Variants in STAU1 observed in about 807,000 individuals in gnomAD.
The protein encoded by STAU1 is staufen double-stranded RNA binding protein 1.
A neutral mutation model predicts 62.9 loss-of-function variants in STAU1; 13 were observed. The observed-to-expected ratio is 0.21, with a 90% CI of 0.13 to 0.33. The LOEUF (loss-of-function observed/expected upper bound fraction) is 0.33. Ranked by LOEUF, STAU1 falls within the 10% of genes least tolerant of loss-of-function variation. STAU1 has a pLI of 1.00. For synonymous variants in STAU1, 269 were observed against 265.1 expected (o/e 1.01, Z -0.14); for missense variants, 571 against 712.1 (o/e 0.80, Z 2.25).
chr20:49,153,850 C>A, intron 4 of STAU1, 83 bp downstream of exon 4: 1 of 1,368,820 alleles, frequency 7.3e-7, no homozygotes. Context: ...ACTCCCTCCA[C>A]AATCTAGAGG....
At chr20:49,197,555 C>G in the STAU1 span, among the ~76,000 whole-genome samples, 2 of 151,796 alleles carry the variant, frequency 1.3e-5, no homozygotes, top group Non-Finnish European at 2.9e-5. Context: ...CATGTGCCAC[C>G]AGGCCCAGCT....
chr20:49,153,563 C>T (rs1340618496), intron 4 of STAU1, among the ~76,000 whole-genome samples: 17 of 142,582 alleles, frequency 1.2e-4, no homozygotes, highest in Non-Finnish European at 7.8e-5. Flanking sequence ...AAAAAAAAAT[C>T]AGCCAGGCGT....
At chr20:49,198,080 G>C in the STAU1 span, among the ~76,000 whole-genome samples, 4 of 152,204 alleles carry the variant, frequency 2.6e-5, no homozygotes, top group African/African-American at 9.6e-5. Context: ...GATCTGTACA[G>C]ACATTTTGCC....
intron 10 of STAU1, 63 bp from the exon 11 acceptor site, chr20:49,118,159 C>A (rs908669670): frequency 5.5e-5 from 83 of 1,512,738 alleles, no homozygotes; most frequent in Non-Finnish European, 7.3e-5. Context: ...CGCAATGACA[C>A]CATCAAACCC....
At chr20:49,206,412 T>C in the STAU1 span, among the ~76,000 whole-genome samples, 1 of 140,800 alleles carries the variant, frequency 7.1e-6, no homozygotes, top group South Asian at 2.2e-4. Context: ...ATCTTCCTTC[T>C]GGTTTTTTTT....
At chr20:49,206,844 C>A in the STAU1 span, among the ~76,000 whole-genome samples, 1 of 149,866 alleles carries the variant, frequency 6.7e-6, no homozygotes, top group Admixed American at 6.8e-5. Flanking sequence ...AAATATTCAC[C>A]TCCCGGGTTC....
chr20:49,177,534 C>G (rs1234996427), intron 1 of STAU1, among the ~76,000 whole-genome samples: 1 of 151,892 alleles, frequency 6.6e-6, no homozygotes, highest in Non-Finnish European at 1.5e-5. Context: ...AAATAATTAG[C>G]CAGGCATGGT....
At chr20:49,116,983 T>C in intron 12 of STAU1, 143 bp downstream of exon 12, 1 of 1,083,068 alleles carries the variant, frequency 9.2e-7, no homozygotes, top group African/African-American at 1.6e-5. Flanking sequence ...TTCAAAAATA[T>C]GAACACTATC....
chr20:49,212,631 C>T, the STAU1 span, among the ~76,000 whole-genome samples: 3 of 2,364 alleles, frequency 1.3e-3, no homozygotes, highest in African/African-American at 2.9e-3. Context: ...TTTTTTTAGG[C>T]AGAGTTTTGC....
intron 5 of STAU1, among the ~76,000 whole-genome samples, chr20:49,138,487 T>C (rs2092938632): frequency 6.6e-6 from 1 of 152,178 alleles, no homozygotes. Context: ...TGTGGTGGTT[T>C]ATTAACCTAC....
chr20:49,135,865 C>T lies in STAU1; in HGVS notation c.577G>A (p.Ala193Thr). Residue 193 changes from alanine to threonine, a missense_variant, in exon 6 of 14, where the codon GCA (alanine) becomes ACA (threonine). Coordinates refer to ENST00000371856, the MANE Select transcript of STAU1 (RefSeq NM_017453.4). Reference sequence around the variant, plus strand: ...TTCACAGGCAAGTTCCGTTTAAGTGCAATCTCAAACACTTGACTTATTTCA... The same window carrying T: ...TTCACAGGCAAGTTCCGTTTAAGTGTAATCTCAAACACTTGACTTATTTCA... The part of the protein sequence containing the change: ...KSEISQVFEI[A>T]LKRNLPVNFE... The T allele has an allele frequency of 1.2e-6, 2 of 1,613,850 alleles. No homozygotes were observed. The highest frequency in any genetic ancestry group is 1.7e-6 in the Non-Finnish European group (2 of 1,179,930).
intron 2 of STAU1, among the ~76,000 whole-genome samples, chr20:49,169,885 TAG>T (rs757208160): frequency 2.6e-5 from 4 of 152,208 alleles, no homozygotes; most frequent in Non-Finnish European, 5.9e-5. Context: ...TGCAAAATGA[TAG>T]AGTTATAGGT....
chr20:49,129,679 G>C (rs6095446), intron 6 of STAU1, among the ~76,000 whole-genome samples: 1 of 140,740 alleles, frequency 7.1e-6, no homozygotes, highest in African/African-American at 2.8e-5. Context: ...CTGTCGCCCA[G>C]GTTGGAGTGC....
intron 5 of STAU1, among the ~76,000 whole-genome samples, chr20:49,150,555 G>T: frequency 6.6e-6 from 1 of 152,078 alleles, no homozygotes; most frequent in Non-Finnish European, 1.5e-5. Flanking sequence ...TAGAGATGGG[G>T]TTTCACCATC....
intron 6 of STAU1, among the ~76,000 whole-genome samples, chr20:49,125,198 CAAAAAAAAAAAAAAAAAA>C (rs1171534142): frequency 3.0e-5 from 1 of 33,716 alleles, no homozygotes; most frequent in Non-Finnish European, 5.7e-5. Flanking sequence ...CTCATTTTTG[CAAAAAAAAAAAAAAAAAA>C]AAAAAAAACG....
chr20:49,213,175 T>C, the STAU1 span, among the ~76,000 whole-genome samples: 1 of 151,928 alleles, frequency 6.6e-6, no homozygotes, highest in Non-Finnish European at 1.5e-5. Flanking sequence ...TTGGCTACTT[T>C]TTGTAATTTT....
Position 49,124,557 on chromosome 20 carries a change from T to C in STAU1, c.640A>G (p.Lys214Glu). ...VARESGPPHM[K>E]NFVTKVSVGE... ...ACCGAAACCTTGGTCACAAAGTTCT[T>C]CATGTGGGGTGGGCCACTCTCCCGG... The change falls in exon 7 of 14, where the codon AAG becomes GAG. Residue 214 changes from lysine (K) to glutamate (E), a missense_variant. Lys to Glu is a moderately conservative substitution (Grantham distance 56). Coordinates refer to ENST00000371856, the MANE Select transcript of STAU1 (RefSeq NM_017453.4). 1 of 1,613,980 alleles carries C rather than the reference T, an allele frequency of 6.2e-7. No homozygotes were observed. The highest frequency in any genetic ancestry group is 8.5e-7 in the Non-Finnish European group (1 of 1,180,022).
At position 49,128,994 on chromosome 20, in the gene STAU1, GAA is replaced by G. The variant is rs377528724; in HGVS notation, c.610-4409_610-4408del. Among the ~76,000 whole-genome samples the G allele has an allele frequency of 3.4e-3, 521 of 151,812 alleles. 3 individuals carry two copies. The highest frequency in any genetic ancestry group is 0.012 in the African/African-American group (494 of 41,456). On this transcript the variant is annotated intron_variant, in intron 6 of 13. Coordinates refer to ENST00000371856, the MANE Select transcript of STAU1 (RefSeq NM_017453.4). The stretch of plus-strand genomic sequence containing the variant: ...CCAAAATTCAATACTTCTGCTTTTT[GAA>G]AGTCACTTAAAATCAAACGACAAGC...
the STAU1 span, among the ~76,000 whole-genome samples, chr20:49,218,029 A>G: frequency 3.3e-5 from 5 of 150,356 alleles, no homozygotes; most frequent in African/African-American, 1.2e-4. Flanking sequence ...ACACACCACC[A>G]TGCCCGGCTA....
Sources: allele counts gnomAD v4.1 joint callset (sites outside exome capture counted in the v4.1 genomes callset), GRCh38; gene constraint gnomAD v4.1.1; transcripts MANE v1.5; gene names NCBI Gene and HGNC (gene_info 2026-07-23, HGNC 2026-07-21).